PYGB: variants seen among roughly 807,000 people sequenced by gnomAD.
PYGB encodes glycogen phosphorylase, brain form.
Under a neutral mutation model 94.3 loss-of-function variants are expected in PYGB, and 82 were observed. The ratio of observed to expected loss-of-function variants is 0.87; its 90% CI spans 0.73 to 1.04. The LOEUF (loss-of-function observed/expected upper bound fraction) is 1.04. PYGB is among the 50% of genes least tolerant of loss of function. PYGB has a pLI of 0.00. For missense variants in PYGB, 1,132 were observed against 1,158.2 expected (o/e 0.98, Z 0.33); for synonymous variants, 488 against 479.1 (o/e 1.02, Z -0.24).
At chr20:25,271,577 C>T (rs2088269010) in intron 4 of PYGB, 91 bp downstream of exon 4, 26 of 1,393,054 alleles carry the variant, frequency 1.9e-5, no homozygotes, top group South Asian at 3.6e-5. Flanking sequence ...ATACTTCCCA[C>T]GCCCCCGCCA....
intron 11 of PYGB, among the ~76,000 whole-genome samples, 165 bp from the exon 12 acceptor site, chr20:25,281,868 C>T (rs917748419): frequency 1.1e-4 from 16 of 151,382 alleles, no homozygotes; most frequent in Non-Finnish European, 2.4e-4. Context: ...TCGTATGGCT[C>T]CCAGAGCCTG....
At position 25,248,104 on chromosome 20, in the gene PYGB, A is replaced by T; in HGVS notation, c.-75A>T. The T allele has an allele frequency of 7.0e-7, 1 of 1,424,706 alleles. No homozygotes were observed. The highest frequency in any genetic ancestry group is 9.2e-7 in the Non-Finnish European group (1 of 1,087,666). 88.3% of individuals were successfully genotyped at this position (1,424,706 alleles called of 1,614,324 possible). Reference sequence around the variant, plus strand: ...GGCGCCAGAGCAGCGGCGCCAGAGCAGCTGCACCATCCCGGCGTTCGCGTG... The same window carrying T: ...GGCGCCAGAGCAGCGGCGCCAGAGCTGCTGCACCATCCCGGCGTTCGCGTG... On this transcript the variant is annotated 5_prime_UTR_variant, in exon 1 of 20. Transcript: ENST00000216962.
chr20:25,289,107 G>T (rs2257985), intron 15 of PYGB, among the ~76,000 whole-genome samples: 68,411 of 152,014 alleles, frequency 0.45, 16,002 homozygotes, highest in East Asian at 0.92. Context: ...GGGCCTGGGG[G>T]TGCTGGTGCC....
Position 25,248,389 on chromosome 20 carries a change from A to T in PYGB, c.211A>T (p.Thr71Ser). Residue 71 changes from threonine (T) to serine (S), a missense_variant, in exon 1 of 20, where the codon ACG becomes TCG. Physicochemically the swap from Thr to Ser is moderately conservative, Grantham distance 58 (BLOSUM62 1). Transcript: ENST00000216962. ...RDHLVGRWIR[T>S]QQHYYERDPK... is the part of the protein sequence containing the mutation. The stretch of plus-strand genomic sequence containing the variant: ...CCACCTCGTGGGCCGCTGGATCCGC[A>T]CGCAGCAGCACTACTACGAGCGCGA... 6.3e-7 allele frequency: 1 copy of T among 1,581,892 alleles called. No individual in the cohort carries two copies. The highest frequency in any genetic ancestry group is 8.6e-7 in the Non-Finnish European group (1 of 1,165,516).
rs202114172 is a variant in PYGB at position 25,297,260 on chromosome 20, G to A, written c.*738G>A. 1.3e-5 allele frequency: 2 copies of A among 152,286 alleles called. No individual in the cohort carries two copies. Among genetic ancestry groups the A allele is most frequent in the Non-Finnish European group, 2.9e-5 (2 of 68,060 alleles). The allele number at this position is 152,286 out of a possible 1,614,324, so 9.4% of individuals were successfully genotyped here. A position where few individuals can be genotyped will look rare whatever the true frequency, so the allele number is the denominator to read the frequency against. On this transcript the variant is annotated 3_prime_UTR_variant, in exon 20 of 20. Coordinates refer to ENST00000216962, the MANE Select transcript of PYGB (RefSeq NM_002862.4). ...GGTCAGGATGAAGTTGGCTGACACA[G>A]CTTAGCTTGGTTTTGCTTATTCAAA...
chr20:25,261,447 CAG>C (rs2092913315), intron 2 of PYGB, among the ~76,000 whole-genome samples: 3 of 152,362 alleles, frequency 2.0e-5, no homozygotes, highest in African/African-American at 7.2e-5. Context: ...AACTAACAAA[CAG>C]AAAGGACATC....
chr20:25,280,235 A>C, intron 9 of PYGB, 31 bp from the exon 10 acceptor site: 1 of 1,605,260 alleles, frequency 6.2e-7, no homozygotes, highest in Non-Finnish European at 8.5e-7. Context: ...GTTTCTAAAC[A>C]AACACATGGG....
At chr20:25,264,054 G>T (rs1226103040) in intron 2 of PYGB, among the ~76,000 whole-genome samples, 1 of 152,162 alleles carries the variant, frequency 6.6e-6, no homozygotes, top group Admixed American at 6.5e-5. Flanking sequence ...ACCAAATCCA[G>T]CAGCACATCA....
chr20:25,290,395 C>T (rs1276550886), intron 15 of PYGB, 86 bp from the exon 16 acceptor site: 5 of 1,519,576 alleles, frequency 3.3e-6, no homozygotes, highest in Non-Finnish European at 4.5e-6. Flanking sequence ...TAGCCTCACC[C>T]CCCTACAGAC....
Position 25,271,524 on chromosome 20 carries a change from T to C in PYGB, c.528+38T>C, listed in dbSNP as rs775162083. ...TCATTTCTTCACTGGTTTCCAGCTCTCGTTCACACAATAAAATGGCAGCAC... is the reference window on the plus strand; with the variant it reads ...TCATTTCTTCACTGGTTTCCAGCTCCCGTTCACACAATAAAATGGCAGCAC... On this transcript the variant is annotated intron_variant, in intron 4 of 19. Coordinates refer to ENST00000216962, the MANE Select transcript of PYGB (RefSeq NM_002862.4). The C allele has an allele frequency of 6.3e-6, 10 of 1,577,494 alleles. No individual in the cohort carries two copies. In the South Asian group the frequency reaches 1.1e-4, roughly 17 times the overall value.
At chr20:25,268,167 C>CA (rs1555806071) in intron 2 of PYGB, among the ~76,000 whole-genome samples, 2 of 94,922 alleles carry the variant, frequency 2.1e-5, no homozygotes, top group Admixed American at 2.4e-4. Context: ...ACCCGCCCCC[C>CA]CCCCATATCC....
At position 25,292,435 on chromosome 20, in the gene PYGB, A is replaced by G. The variant is rs1219499303; in HGVS notation, c.1999A>G (p.Ile667Val). 6.2e-7 allele frequency: 1 copy of G among 1,613,404 alleles called. No individual in the cohort carries two copies. The highest frequency in any genetic ancestry group is 8.5e-7 in the Non-Finnish European group (1 of 1,180,002). The change falls in exon 17 of 20, where the codon ATC becomes GTC. Residue 667 changes from isoleucine (I) to valine (V), a missense_variant. Transcript: ENST00000216962. ...CCCGGCCGCTGATCTGTCGCAGCAG[A>G]TCTCCACTGCAGGCACCGAGGCCTC... The part of the protein sequence containing the change: ...VIPAADLSQQ[I>V]STAGTEASGT...
At chr20:25,275,896 G>A (rs1339874497) in intron 5 of PYGB, among the ~76,000 whole-genome samples, 2 of 152,246 alleles carry the variant, frequency 1.3e-5, no homozygotes, top group East Asian at 1.9e-4. Flanking sequence ...GCCCCGGTGC[G>A]CCGCCTGTGT....
chr20:25,250,994 C>T (rs1008255499), intron 1 of PYGB: 1 of 152,116 alleles, frequency 6.6e-6, no homozygotes, highest in Non-Finnish European at 1.5e-5. Context: ...CATAAAATAA[C>T]ATTATACTGA....
intron 7 of PYGB, 98 bp downstream of exon 7, chr20:25,277,424 G>C (rs2088323425): frequency 1.6e-6 from 2 of 1,213,550 alleles, no homozygotes; most frequent in Admixed American, 2.1e-5. Flanking sequence ...GCCTGCTGTT[G>C]GCCTTGGCAA....
intron 2 of PYGB, among the ~76,000 whole-genome samples, chr20:25,268,081 T>C (rs940994732): frequency 4.6e-5 from 7 of 152,000 alleles, no homozygotes; most frequent in African/African-American, 1.7e-4. Context: ...ACTTAGAAGT[T>C]TTCTGGTCGG....
chr20:25,273,279 T>C (rs2088282683), intron 4 of PYGB, among the ~76,000 whole-genome samples: 1 of 152,094 alleles, frequency 6.6e-6, no homozygotes, highest in Admixed American at 6.5e-5. Context: ...CAGGCCCTGG[T>C]GTTGGGGAAT....
At chr20:25,274,555 T>G in intron 4 of PYGB, 37 bp from the exon 5 acceptor site, 1 of 1,603,698 alleles carries the variant, frequency 6.2e-7, no homozygotes, top group South Asian at 1.1e-5. Context: ...CTGGGACATC[T>G]GCGCTGAGGG....
At chr20:25,274,789 G>A (rs948937176) in intron 5 of PYGB, 66 bp downstream of exon 5, 4 of 1,566,024 alleles carry the variant, frequency 2.6e-6, no homozygotes, top group East Asian at 2.2e-5. Flanking sequence ...CGGCTCATTT[G>A]TAGACAGCTC....
Sources: allele counts gnomAD v4.1 joint callset (sites outside exome capture counted in the v4.1 genomes callset), GRCh38; gene constraint gnomAD v4.1.1; transcripts MANE v1.5; gene names NCBI Gene and HGNC (gene_info 2026-07-23, HGNC 2026-07-21).